EIF3A: variants seen among roughly 807,000 people sequenced by gnomAD.
The protein encoded by EIF3A is eukaryotic translation initiation factor 3 subunit A, also known as EIF3, p180 subunit.
A neutral mutation model predicts 186.6 loss-of-function variants in EIF3A; 21 were observed. The ratio of observed to expected loss-of-function variants is 0.11; its 90% CI spans 0.08 to 0.16. The LOEUF is 0.16. Ranked by LOEUF, EIF3A falls within the 10% of genes least tolerant of loss-of-function variation. The pLI is 1.00. For synonymous variants in EIF3A, 563 were observed against 584.3 expected, an observed-to-expected ratio of 0.96 and a Z score of 0.52; for missense variants, 1,306 against 1,796.3, an observed-to-expected ratio of 0.73 and a Z score of 4.93.
At chr10:119,077,175 G>A (rs1844189923) in intron 1 of EIF3A, among the ~76,000 whole-genome samples, 1 of 152,022 alleles carries the variant, frequency 6.6e-6, no homozygotes, top group Admixed American at 6.6e-5. Context: ...ATTAGAAGTT[G>A]ATTCCTTAGC....
chr10:119,049,597 C>G (rs540201544), intron 17 of EIF3A, among the ~76,000 whole-genome samples: 2 of 150,968 alleles, frequency 1.3e-5, no homozygotes, highest in African/African-American at 4.9e-5. Context: ...ATCACAATTA[C>G]AAAAATCAGC....
At chr10:119,051,372 T>C (rs1303566965) in intron 14 of EIF3A, 51 bp from the exon 15 acceptor site, 6 of 1,506,556 alleles carry the variant, frequency 4.0e-6, no homozygotes, top group Non-Finnish European at 5.3e-6. Flanking sequence ...TTTTACTCAT[T>C]AACCCCAAAT....
At chr10:119,038,497 G>T in intron 19 of EIF3A, 58 bp from the exon 20 acceptor site, 1 of 1,416,090 alleles carries the variant, frequency 7.1e-7, no homozygotes. Context: ...GAAACAGATT[G>T]GCAATCATGA....
In EIF3A at chr10:119,033,872, TAAAA is replaced by T. The variant is rs3061097; in HGVS notation, c.*2163_*2166del. On this transcript the variant is annotated 3_prime_UTR_variant, in exon 22 of 22. Coordinates refer to ENST00000369144, the MANE Select transcript of EIF3A (RefSeq NM_003750.4). The stretch of plus-strand genomic sequence containing the variant: ...TCAATCTATGGTCAGTGTCTTTGGT[TAAAA>T]AAAAAAAAAAACACAGGCAGTTCTT... 52,753 of 160,868 alleles carry T rather than the reference TAAAA, an allele frequency of 0.33. 9,079 individuals carry two copies. The highest frequency in any genetic ancestry group is 0.4 in the Non-Finnish European group (27,097 of 67,244). 10.0% of individuals were successfully genotyped at this position (160,868 alleles called of 1,614,324 possible).
chr10:119,075,401 A>C (rs952576205), intron 1 of EIF3A, among the ~76,000 whole-genome samples: 2 of 151,896 alleles, frequency 1.3e-5, no homozygotes, highest in Non-Finnish European at 2.9e-5. Flanking sequence ...TTGCCATTAC[A>C]TTATTTCTGA....
At chr10:119,055,414 C>T (rs142686131) in intron 14 of EIF3A, among the ~76,000 whole-genome samples, 1 of 152,188 alleles carries the variant, frequency 6.6e-6, no homozygotes, top group East Asian at 1.9e-4. Flanking sequence ...ATCACTACAA[C>T]AAATATAATG....
chr10:119,054,723 A>G (rs932003698), intron 14 of EIF3A, among the ~76,000 whole-genome samples: 12 of 19,092 alleles, frequency 6.3e-4, no homozygotes, highest in Admixed American at 2.5e-3. Flanking sequence ...GCGAAACTCC[A>G]TCTCAAAAAA....
Position 119,058,017 on chromosome 10 carries a change from C to T in EIF3A, c.1916G>A (p.Arg639His), listed in dbSNP as rs758936109. ...EQIKKKTVRERLEQIKKTELG... is the reference protein window; with the variant it reads ...EQIKKKTVREHLEQIKKTELG... ...TTCTGTTTTCTTGATCTGCTCCAAACGCTCTCGGACAGTTTTCTTTTTGAT... is the reference window on the plus strand; with the variant it reads ...TTCTGTTTTCTTGATCTGCTCCAAATGCTCTCGGACAGTTTTCTTTTTGAT... Residue 639 changes from arginine to histidine, a missense_variant, in exon 12 of 22, where the codon CGT becomes CAT. Arg to His is a conservative substitution (Grantham distance 29). This residue lies in a region of EIF3A where 94 missense variants were observed against 204.9 expected (regional missense o/e 0.46). Coordinates refer to ENST00000369144, the MANE Select transcript of EIF3A (RefSeq NM_003750.4). 24 of 1,614,084 alleles carry T rather than the reference C, an allele frequency of 1.5e-5. No individual in the cohort carries two copies. Among genetic ancestry groups the T allele is most frequent in the Non-Finnish European group, 8.5e-6 (10 of 1,180,044 alleles).
chr10:119,051,309 G>T lies in EIF3A; in HGVS notation c.2209C>A (p.Gln737Lys). The change falls in exon 15 of 22, where the codon CAG (glutamine) becomes AAG (lysine). Residue 737 changes from glutamine to lysine, a missense_variant. Physicochemically the swap from Gln to Lys is moderately conservative, Grantham distance 53 (BLOSUM62 1). Around this residue, in one of 8 missense-constraint regions of EIF3A, gnomAD observed 410 missense variants for 473.5 expected, o/e 0.87. Transcript: ENST00000369144. The stretch of plus-strand genomic sequence containing the variant: ...TCAAGAGCCTTTTCACGTTCTAGCT[G>T]CATTGTAGTAATCTGCAAGTACAAA... ...QQEEERITTM[Q>K]LEREKALEHK... 6.3e-7 allele frequency: 1 copy of T among 1,593,030 alleles called. No individual in the cohort carries two copies. The highest frequency in any genetic ancestry group is 8.5e-7 in the Non-Finnish European group (1 of 1,173,198).
Position 119,074,667 on chromosome 10 carries a change from C to T in EIF3A, c.50-730G>A, listed in dbSNP as rs557599255. On this transcript the variant is annotated intron_variant, in intron 1 of 21. Transcript: ENST00000369144. ...AGAAAAATGGGGCCGGGAGCGGTGG[C>T]TTATGCCTGTAATCCCAACACTTTG... 1.5e-3 allele frequency among the ~76,000 whole-genome samples: 221 copies of T among 150,668 alleles called. 1 individual carries two copies. Among genetic ancestry groups the T allele is most frequent in the Non-Finnish European group, 2.6e-3 (174 of 67,750 alleles).
chr10:119,038,408 C>T lies in EIF3A; in HGVS notation c.3558G>A (p.Glu1186=). Residue 1186 remains glutamate, a synonymous_variant, in exon 20 of 22, where the codon GAG becomes GAA. Coordinates refer to ENST00000369144, the MANE Select transcript of EIF3A (RefSeq NM_003750.4). ...ATTCTCGAGGTGGACCCCAGCTCTC[C>T]TCTCTGGCTTTTTCTTTCTCTCTCC... ...GGWREKEKAR[E]ESWGPPRESR... The T allele has an allele frequency of 1.9e-6, 3 of 1,613,904 alleles. No individual in the cohort carries two copies. The highest frequency in any genetic ancestry group is 2.2e-5 in the East Asian group (1 of 44,884).
chr10:119,080,704 G>A lies in EIF3A; in HGVS notation c.-28C>T. The A allele has an allele frequency of 1.3e-6, 2 of 1,580,524 alleles. No individual in the cohort carries two copies. Among genetic ancestry groups the A allele is most frequent in the African/African-American group, 1.4e-5 (1 of 73,088 alleles). On this transcript the variant is annotated 5_prime_UTR_variant, in exon 1 of 22. It adds an upstream start codon to the 5' untranslated region. Transcript: ENST00000369144. ...TGGCGGCAGGCTCAGCTCACCCGGCGTCAGCGAACTCTCTAGTGGCCCGGG... is the reference window on the plus strand; with the variant it reads ...TGGCGGCAGGCTCAGCTCACCCGGCATCAGCGAACTCTCTAGTGGCCCGGG...
chr10:119,056,043 T>C (rs1225292916), intron 14 of EIF3A, among the ~76,000 whole-genome samples: 1 of 152,150 alleles, frequency 6.6e-6, no homozygotes, highest in African/African-American at 2.4e-5. Context: ...AACAATCAGA[T>C]TAAACCAAGA....
Position 119,035,876 on chromosome 10 carries a change from A to T in EIF3A, c.*163T>A. ...TTCCAACCTCCTGTGGATATGGTGCATGATCAATCTATTATATAGGATTAA... is the reference window on the plus strand; with the variant it reads ...TTCCAACCTCCTGTGGATATGGTGCTTGATCAATCTATTATATAGGATTAA... On this transcript the variant is annotated 3_prime_UTR_variant, in exon 22 of 22. Coordinates refer to ENST00000369144, the MANE Select transcript of EIF3A (RefSeq NM_003750.4). The T allele has an allele frequency of 1.7e-6, 1 of 582,934 alleles. No individual in the cohort carries two copies. The highest frequency in any genetic ancestry group is 3.0e-6 in the Non-Finnish European group (1 of 332,078). The allele number at this position is 582,934 out of a possible 1,614,324, so 36.1% of individuals were successfully genotyped here.
chr10:119,069,995 A>ATTTC (rs1844045512), intron 5 of EIF3A, among the ~76,000 whole-genome samples: 1 of 152,242 alleles, frequency 6.6e-6, no homozygotes, highest in South Asian at 2.1e-4. Flanking sequence ...ATGGATGAAT[A>ATTTC]TTTCTCTTCT....
chr10:119,077,217 C>A (rs1357619700), intron 1 of EIF3A, among the ~76,000 whole-genome samples: 4 of 152,146 alleles, frequency 2.6e-5, no homozygotes, highest in Admixed American at 1.3e-4. Flanking sequence ...GTAATCCCAG[C>A]ACTTTGGGAG....
chr10:119,064,637 C>T (rs1843942907), intron 7 of EIF3A, among the ~76,000 whole-genome samples: 1 of 152,166 alleles, frequency 6.6e-6, no homozygotes, highest in East Asian at 1.9e-4. Flanking sequence ...ACTATACTTC[C>T]TATACAGCCT....
At chr10:119,053,855 G>T (rs1028250931) in intron 14 of EIF3A, among the ~76,000 whole-genome samples, 1 of 152,158 alleles carries the variant, frequency 6.6e-6, no homozygotes, top group East Asian at 1.9e-4. Flanking sequence ...TCATAAAGAC[G>T]GTTTTCCTTA....
chr10:119,073,360 T>C (rs1397616), intron 3 of EIF3A, 81 bp downstream of exon 3: 1,025,784 of 1,093,350 alleles, frequency 0.94, 488,767 homozygotes, highest in Non-Finnish European at 0.97. Context: ...AAACATCTAC[T>C]TCAAAAGGAA....
Sources: allele counts gnomAD v4.1 joint callset (sites outside exome capture counted in the v4.1 genomes callset), GRCh38; gene constraint gnomAD v4.1.1; regional missense constraint gnomAD v4.1.1; transcripts MANE v1.5; gene names NCBI Gene and HGNC (gene_info 2026-07-23, HGNC 2026-07-21).